Variants in PHF20 observed in about 807,000 individuals in gnomAD.
The protein encoded by PHF20 is glioma-expressed antigen 2.
Under a neutral mutation model 113.5 loss-of-function variants are expected in PHF20, and 23 were observed. The ratio of observed to expected loss-of-function variants is 0.20; its 90% confidence interval spans 0.15 to 0.29. PHF20 has a LOEUF of 0.29. Among genes scored for constraint, PHF20 ranks in the 10% least tolerant of loss-of-function variants. PHF20 has a pLI of 1.00. For synonymous variants in PHF20, 434 were observed against 457.3 expected (o/e 0.95, Z 0.65); for missense variants, 943 against 1,219.6 (o/e 0.77, Z 3.38).
At chr20:35,932,867 C>T (rs1217039821) in intron 15 of PHF20, among the ~76,000 whole-genome samples, 1 of 152,142 alleles carries the variant, frequency 6.6e-6, no homozygotes, top group Non-Finnish European at 1.5e-5. Context: ...TCCCCAAAGC[C>T]CCTGACAACC....
chr20:35,844,551 A>G (rs1365552265), intron 3 of PHF20, among the ~76,000 whole-genome samples: 2 of 119,188 alleles, frequency 1.7e-5, no homozygotes, highest in South Asian at 5.9e-4. Context: ...CACCACACAC[A>G]CACACACACA....
At chr20:35,868,686 T>G (rs2054363065) in intron 6 of PHF20, among the ~76,000 whole-genome samples, 1 of 152,248 alleles carries the variant, frequency 6.6e-6, no homozygotes. Flanking sequence ...GCGTCTGTAC[T>G]GCTAAATTAT....
chr20:35,837,461 G>T (rs75792504), intron 2 of PHF20, among the ~76,000 whole-genome samples: 7,713 of 152,164 alleles, frequency 0.051, 243 homozygotes, highest in African/African-American at 0.099. Context: ...TAGTTACACA[G>T]GGAAGCTAGA....
chr20:35,858,892 G>T (rs1209133148), intron 5 of PHF20, among the ~76,000 whole-genome samples: 1 of 152,148 alleles, frequency 6.6e-6, no homozygotes. Context: ...TTTTAACAGA[G>T]ATTTTTTTTC....
rs2041382191 is a variant in PHF20, at chr20:35,785,112, C to A, written c.-33+13033C>A. On this transcript the variant is annotated intron_variant, in intron 1 of 17. Transcript: ENST00000374012. ...GGAGGTCTTGCTTCTGAAGTCCCAG[C>A]TCTTCTATCTAGCCAGGTGACTTTG... is the stretch of plus-strand genomic sequence containing the variant. Among the ~76,000 whole-genome samples, 3 of 151,742 alleles carry A rather than the reference C, an allele frequency of 2.0e-5. No individual in the cohort carries two copies. In the South Asian group the frequency reaches 6.3e-4, roughly 32 times the overall value.
chr20:35,851,621 G>T (rs543250125), intron 4 of PHF20, among the ~76,000 whole-genome samples: 1 of 142,326 alleles, frequency 7.0e-6, no homozygotes, highest in Non-Finnish European at 1.5e-5. Context: ...AGCCTTTAAC[G>T]ATGTCAATGT....
At chr20:35,780,156 C>T (rs1430504089) in intron 1 of PHF20, among the ~76,000 whole-genome samples, 2 of 150,572 alleles carry the variant, frequency 1.3e-5, no homozygotes, top group Non-Finnish European at 3.0e-5. Flanking sequence ...ATTTTAACTA[C>T]AAATCAAACA....
At chr20:35,861,006 G>A (rs1371539598) in intron 5 of PHF20, among the ~76,000 whole-genome samples, 2 of 152,184 alleles carry the variant, frequency 1.3e-5, no homozygotes, top group Non-Finnish European at 2.9e-5. Context: ...GCCTCTGAGT[G>A]TCTGACCTTA....
intron 4 of PHF20, among the ~76,000 whole-genome samples, chr20:35,851,510 C>A (rs2042730126): frequency 6.6e-6 from 1 of 152,008 alleles, no homozygotes. Flanking sequence ...AGATTTAGGC[C>A]CACACGTGCA....
intron 15 of PHF20, among the ~76,000 whole-genome samples, chr20:35,936,716 G>A (rs925491631): frequency 1.3e-5 from 2 of 152,028 alleles, no homozygotes; most frequent in African/African-American, 4.8e-5. Flanking sequence ...TTGCATTTTT[G>A]TAATCAAATG....
At chr20:35,814,890 AT>A (rs767705739) in intron 2 of PHF20, among the ~76,000 whole-genome samples, 8,672 of 137,704 alleles carry the variant, frequency 0.063, 332 homozygotes, top group South Asian at 0.094. Context: ...AAAAAAAAAA[AT>A]AAAATAAATA....
chr20:35,851,089 G>A (rs1008233027), intron 4 of PHF20, among the ~76,000 whole-genome samples: 1 of 152,132 alleles, frequency 6.6e-6, no homozygotes, highest in Non-Finnish European at 1.5e-5. Context: ...GATTAGCAGA[G>A]TCAGTTGTCT....
At chr20:35,874,488 A>C (rs2054481942) in intron 9 of PHF20, among the ~76,000 whole-genome samples, 1 of 150,520 alleles carries the variant, frequency 6.6e-6, no homozygotes, top group Non-Finnish European at 1.5e-5. Flanking sequence ...TTAAAACTTG[A>C]CTTTTTTTTT....
At chr20:35,921,497 A>G (rs1380200856) in intron 13 of PHF20, among the ~76,000 whole-genome samples, 2 of 152,048 alleles carry the variant, frequency 1.3e-5, no homozygotes, top group Non-Finnish European at 2.9e-5. Context: ...AGCCCTGGAA[A>G]CATAGCAAGA....
At chr20:35,795,786 G>A (rs575416562) in intron 1 of PHF20, among the ~76,000 whole-genome samples, 2 of 152,144 alleles carry the variant, frequency 1.3e-5, no homozygotes, top group East Asian at 3.9e-4. Flanking sequence ...TCTTTATAAT[G>A]GGGATTAATA....
intron 9 of PHF20, among the ~76,000 whole-genome samples, chr20:35,894,174 T>A (rs1487125539): frequency 1.3e-5 from 2 of 152,322 alleles, no homozygotes; most frequent in African/African-American, 2.4e-5. Context: ...GTGATATGCG[T>A]CCCAGCCAGG....
chr20:35,901,698 C>T (rs1324681284), intron 10 of PHF20, among the ~76,000 whole-genome samples: 1 of 152,174 alleles, frequency 6.6e-6, no homozygotes, highest in East Asian at 1.9e-4. Context: ...ATTCTTTACT[C>T]ACTGTGGTTA....
At chr20:35,823,811 T>C (rs1279683892) in intron 2 of PHF20, among the ~76,000 whole-genome samples, 2 of 152,220 alleles carry the variant, frequency 1.3e-5, no homozygotes, top group African/African-American at 4.8e-5. Context: ...TAGTGTGTTA[T>C]AATGGAATTA....
At chr20:35,809,958 T>C (rs1392402625) in intron 2 of PHF20, among the ~76,000 whole-genome samples, 1 of 152,112 alleles carries the variant, frequency 6.6e-6, no homozygotes, top group Non-Finnish European at 1.5e-5. Flanking sequence ...AGACGGAGTT[T>C]TGCTCTTGTC....
Sources: gnomAD v4.1 joint callset for allele counts (sites outside exome capture counted in the v4.1 genomes callset) on GRCh38, gnomAD v4.1.1 for gene constraint, MANE v1.5 for transcripts, NCBI Gene and HGNC (gene_info 2026-07-23, HGNC 2026-07-21) for gene names.